The following ABI2 variants were observed in gnomAD, a reference collection of about 807,000 sequenced individuals.
ABI2 encodes the protein abelson interactor 2.
In ABI2, 25 loss-of-function variants were observed where a neutral mutation model predicts 59.2. The observed-to-expected ratio is 0.42, with a 90% CI of 0.31 to 0.59. ABI2 has a LOEUF of 0.59. Among genes scored for constraint, ABI2 ranks in the 20% least tolerant of loss-of-function variants. The pLI is 0.14. For synonymous variants in ABI2, 213 were observed against 235.5 expected (o/e 0.90, Z 0.87); for missense variants, 545 against 681.8 (o/e 0.80, Z 2.23).
intron 2 of ABI2, among the ~76,000 whole-genome samples, chr2:203,378,385 A>T (rs1434616010): frequency 1.3e-5 from 2 of 152,244 alleles, no homozygotes; most frequent in Non-Finnish European, 2.9e-5. Context: ...TGCTGGGATT[A>T]TAGGCGTGAG....
Position 203,382,173 on chromosome 2 carries a change from C to G in ABI2, c.463-16C>G. 6.6e-7 allele frequency: 1 copy of G among 1,524,752 alleles called. No individual in the cohort carries two copies. Among genetic ancestry groups the G allele is most frequent in the Non-Finnish European group, 8.8e-7 (1 of 1,141,962 alleles). The allele number at this position is 1,524,752 out of a possible 1,614,324, so 94.5% of individuals were successfully genotyped here. A position where few individuals can be genotyped will look rare whatever the true frequency, so the allele number is the denominator to read the frequency against. On this transcript the variant is annotated splice_polypyrimidine_tract_variant and intron_variant, in intron 3 of 11. Coordinates refer to ENST00000261018, the MANE Select transcript of ABI2 (RefSeq NM_001375670.1). ...TTTTTCCTTACCTCTTTTATTTGCTCCATTTATGCATTAAGTGGTTGCTTA... is the reference window on the plus strand; with the variant it reads ...TTTTTCCTTACCTCTTTTATTTGCTGCATTTATGCATTAAGTGGTTGCTTA...
At chr2:203,395,432 A>AATATATATATATATATAT (rs375911001) in intron 6 of ABI2, among the ~76,000 whole-genome samples, 2 of 113,324 alleles carry the variant, frequency 1.8e-5, no homozygotes, top group African/African-American at 6.2e-5. Flanking sequence ...TTAATAAGTA[A>AATATATATATATATATAT]ATATATATAT....
chr2:203,380,120 A>G, intron 2 of ABI2, 88 bp from the exon 3 acceptor site: 1 of 747,062 alleles, frequency 1.3e-6, no homozygotes, highest in Non-Finnish European at 2.1e-6. Context: ...ATGAGTAGCA[A>G]TATTAAATCT....
At chr2:203,340,690 C>G (rs762740005) in intron 1 of ABI2, among the ~76,000 whole-genome samples, 4 of 151,946 alleles carry the variant, frequency 2.6e-5, no homozygotes, top group African/African-American at 7.3e-5. Context: ...GCCCACTCCC[C>G]GCTCCCACCA....
chr2:203,376,161 C>T (rs749988231), intron 2 of ABI2: 1 of 1,483,084 alleles, frequency 6.7e-7, no homozygotes, highest in South Asian at 1.3e-5. Context: ...AGTCCTTCCT[C>T]TATAGATCTT....
At chr2:203,350,748 C>G (rs970292521) in intron 1 of ABI2, among the ~76,000 whole-genome samples, 94 of 151,878 alleles carry the variant, frequency 6.2e-4, no homozygotes, top group African/African-American at 2.2e-3. Context: ...CCATCTTGGC[C>G]AGGCTGGTCT....
chr2:203,403,482 C>T (rs1462688761), intron 9 of ABI2: 1 of 154,650 alleles, frequency 6.5e-6, no homozygotes, highest in Non-Finnish European at 1.5e-5. Flanking sequence ...TTTTATGGAG[C>T]TGCAGTTTGT....
At chr2:203,404,069 T>C (rs893139386) in intron 9 of ABI2, among the ~76,000 whole-genome samples, 1 of 152,094 alleles carries the variant, frequency 6.6e-6, no homozygotes, top group Non-Finnish European at 1.5e-5. Context: ...CCATGTTCTT[T>C]CTATTGTCCT....
chr2:203,422,105 G>A (rs763457033), intron 11 of ABI2, among the ~76,000 whole-genome samples: 1 of 152,032 alleles, frequency 6.6e-6, no homozygotes, highest in Non-Finnish European at 1.5e-5. Context: ...AGACCAGCCT[G>A]GGCAACATGG....
chr2:203,368,228 T>G (rs554052914), intron 2 of ABI2, among the ~76,000 whole-genome samples: 15 of 152,162 alleles, frequency 9.9e-5, no homozygotes, highest in African/African-American at 3.4e-4. Flanking sequence ...AATACTGCAG[T>G]GAAAAACCAA....
rs918125935 is a variant in ABI2 at position 203,401,232 on chromosome 2, C to G, written c.1034-1344C>G. Among the ~76,000 whole-genome samples the G allele has an allele frequency of 4.0e-5, 6 of 151,492 alleles. No homozygotes were observed. In the East Asian group the frequency reaches 1.2e-3, roughly 29 times the overall value. ...CTTTTCACTTATCTCCTCCTTTTCT[C>G]CCTTTCTCTTTCTCCTTTCCTTTCC... On this transcript the variant is annotated intron_variant, in intron 8 of 11. Coordinates refer to ENST00000261018, the MANE Select transcript of ABI2 (RefSeq NM_001375670.1).
chr2:203,421,805 A>G (rs547952592), intron 11 of ABI2, among the ~76,000 whole-genome samples: 2 of 152,146 alleles, frequency 1.3e-5, no homozygotes, highest in South Asian at 2.1e-4. Flanking sequence ...CTCTACTACA[A>G]GTTCAAAAAT....
intron 10 of ABI2, among the ~76,000 whole-genome samples, chr2:203,414,613 C>T (rs1034387445): frequency 1.3e-5 from 2 of 152,242 alleles, no homozygotes; most frequent in African/African-American, 4.8e-5. Flanking sequence ...TTCATGTCTT[C>T]ATGACTTTTG....
Position 203,427,470 on chromosome 2 carries a change from A to C in ABI2, c.*118A>C. 9.9e-7 allele frequency: 1 copy of C among 1,005,862 alleles called. No individual in the cohort carries two copies. The highest frequency in any genetic ancestry group is 1.4e-6 in the Non-Finnish European group (1 of 719,494). 62.3% of individuals were successfully genotyped at this position (1,005,862 alleles called of 1,614,324 possible). ...GAAGGATACAAATGATAAAAATTAC[A>C]CTTTTTTTTTTGGTTTATTCCCCAG... On this transcript the variant is annotated 3_prime_UTR_variant, in exon 12 of 12. Coordinates refer to ENST00000261018, the MANE Select transcript of ABI2 (RefSeq NM_001375670.1).
intron 1 of ABI2, among the ~76,000 whole-genome samples, chr2:203,346,454 A>G (rs1559174924): frequency 6.6e-6 from 1 of 152,376 alleles, no homozygotes; most frequent in East Asian, 1.9e-4. Flanking sequence ...GCCTGAATGA[A>G]CACATCAGCT....
intron 10 of ABI2, among the ~76,000 whole-genome samples, chr2:203,415,378 G>A (rs1019505212): frequency 1.3e-5 from 2 of 152,114 alleles, no homozygotes; most frequent in African/African-American, 4.8e-5. Flanking sequence ...AGCACTTTGG[G>A]AGGCCGAGGT....
At chr2:203,353,283 C>T (rs917650754) in intron 1 of ABI2, among the ~76,000 whole-genome samples, 1 of 152,010 alleles carries the variant, frequency 6.6e-6, no homozygotes, top group Admixed American at 6.6e-5. Context: ...ATTAAAATTA[C>T]ATTTAAAATT....
chr2:203,395,270 TTC>T (rs2096926100), intron 6 of ABI2, among the ~76,000 whole-genome samples: 1 of 151,982 alleles, frequency 6.6e-6, no homozygotes, highest in Non-Finnish European at 1.5e-5. Context: ...TAAAAGAAGT[TTC>T]TTCAGATAGG....
chr2:203,383,960 C>G (rs1220897225), intron 4 of ABI2, among the ~76,000 whole-genome samples: 1 of 151,994 alleles, frequency 6.6e-6, no homozygotes, highest in Non-Finnish European at 1.5e-5. Context: ...CAGAGAAAGT[C>G]ATCATACTTT....
Sources: allele counts gnomAD v4.1 joint callset (sites outside exome capture counted in the v4.1 genomes callset), GRCh38; gene constraint gnomAD v4.1.1; transcripts MANE v1.5; gene names NCBI Gene and HGNC (gene_info 2026-07-23, HGNC 2026-07-21).